ELL: variants seen among roughly 807,000 people sequenced by gnomAD.
ELL encodes the protein elongation factor for RNA polymerase II.
ELL carries 18 observed loss-of-function variants against 64.0 expected under a neutral mutation model. The observed-to-expected ratio is 0.28, with a 90% CI of 0.19 to 0.42. The LOEUF (loss-of-function observed/expected upper bound fraction) is 0.42, where lower values mean the gene tolerates loss of function less well. Among genes scored for constraint, ELL ranks in the 10% least tolerant of loss-of-function variants. The pLI, the probability that ELL is intolerant of heterozygous loss-of-function variation, is 1.00. For missense variants in ELL, 797 were observed against 870.4 expected (o/e 0.92, Z 1.06); for synonymous variants, 399 against 376.2 (o/e 1.06, Z -0.70).
At chr19:18,508,952 T>C (rs915024200) in intron 1 of ELL, among the ~76,000 whole-genome samples, 2 of 152,066 alleles carry the variant, frequency 1.3e-5, no homozygotes, top group Non-Finnish European at 2.9e-5. Context: ...GCAAGCCTTG[T>C]TGTGGGGATA....
chr19:18,482,290 T>C (rs867028779), intron 1 of ELL, among the ~76,000 whole-genome samples: 1 of 149,504 alleles, frequency 6.7e-6, no homozygotes, highest in African/African-American at 2.5e-5. Flanking sequence ...TCCTAGTCCA[T>C]GGCTTGTCTT....
intron 5 of ELL, 120 bp downstream of exon 5, chr19:18,461,458 C>A: frequency 6.8e-7 from 1 of 1,461,344 alleles, no homozygotes; most frequent in Non-Finnish European, 9.1e-7. Flanking sequence ...TGTGAGAGAC[C>A]CCAGGAAGGG....
chr19:18,466,110 A>G (rs990677864), intron 2 of ELL, among the ~76,000 whole-genome samples, 192 bp from the exon 3 acceptor site: 16 of 152,188 alleles, frequency 1.1e-4, no homozygotes, highest in African/African-American at 3.6e-4. Context: ...CACACTGCGT[A>G]GAGAGGGGAC....
chr19:18,489,144 T>C (rs1173344752), intron 1 of ELL, among the ~76,000 whole-genome samples: 7 of 152,276 alleles, frequency 4.6e-5, no homozygotes, highest in Non-Finnish European at 1.0e-4. Context: ...CAAGGTGACA[T>C]GGATTGGGTA....
At position 18,443,686 on chromosome 19, in the gene ELL, C is replaced by T. The variant is rs998070193; in HGVS notation, c.*1066G>A. Reference sequence around the variant, plus strand: ...GCAATTGGGGTGTCTGCAGAGCCTGCACCCCCAGAGCAGGCAGACCCATCC... The same window carrying T: ...GCAATTGGGGTGTCTGCAGAGCCTGTACCCCCAGAGCAGGCAGACCCATCC... On this transcript the variant is annotated 3_prime_UTR_variant, in exon 12 of 12. Transcript: ENST00000262809. 9 of 233,114 alleles carry T rather than the reference C, an allele frequency of 3.9e-5. No individual in the cohort carries two copies. Among genetic ancestry groups the T allele is most frequent in the African/African-American group, 1.5e-4 (7 of 45,330 alleles). The allele number at this position is 233,114 out of a possible 1,614,324, so 14.4% of individuals were successfully genotyped here. A position where few individuals can be genotyped will look rare whatever the true frequency, so the allele number is the denominator to read the frequency against.
In ELL at chr19:18,515,713, T is replaced by C. The variant is rs145613818; in HGVS notation, c.135+6208A>G. The stretch of plus-strand genomic sequence containing the variant: ...CTCACGTCACCAAGGTTCGGGCCTC[T>C]TGGGGACGCGGAAAGTTGCATTTAA... On this transcript the variant is annotated intron_variant, in intron 1 of 11. Coordinates refer to ENST00000262809, the MANE Select transcript of ELL (RefSeq NM_006532.4). Among the ~76,000 whole-genome samples the C allele has an allele frequency of 7.0e-3, 1,068 of 152,298 alleles. 13 individuals carry two copies. Among genetic ancestry groups the C allele is most frequent in the African/African-American group, 0.025 (1,020 of 41,570 alleles).
At chr19:18,479,055 G>T (rs1975236525) in intron 1 of ELL, among the ~76,000 whole-genome samples, 1 of 152,216 alleles carries the variant, frequency 6.6e-6, no homozygotes, top group South Asian at 2.1e-4. Context: ...GAAGCAACAG[G>T]AAGTGGCTTA....
intron 2 of ELL, among the ~76,000 whole-genome samples, chr19:18,466,925 G>GC (rs1044786707): frequency 6.6e-6 from 1 of 152,158 alleles, no homozygotes; most frequent in Admixed American, 6.5e-5. Flanking sequence ...TGAATCTCCT[G>GC]CCCCCTCGCC....
At chr19:18,493,824 A>G (rs1445961755) in intron 1 of ELL, among the ~76,000 whole-genome samples, 2 of 151,990 alleles carry the variant, frequency 1.3e-5, no homozygotes, top group Non-Finnish European at 2.9e-5. Context: ...GTCACTGACC[A>G]CTCCTCATAG....
chr19:18,475,205 A>G (rs1286698205), intron 1 of ELL, among the ~76,000 whole-genome samples: 1 of 152,214 alleles, frequency 6.6e-6, no homozygotes, highest in Non-Finnish European at 1.5e-5. Context: ...GTGAAAAGAC[A>G]CCGGATGCCA....
In ELL at chr19:18,522,023, C is replaced by T. The variant is rs1976294005; in HGVS notation, c.33G>A (p.Gly11=). The T allele has an allele frequency of 1.2e-6, 2 of 1,610,434 alleles. No homozygotes were observed. The highest frequency in any genetic ancestry group is 1.3e-5 in the African/African-American group (1 of 74,302). ...CGTCGCTAACCCGCCCGCACGACAG[C>T]CCGTAGCTCCTATCCTCCTTCAGCG... MAALKEDRSY[G]LSCGRVSDGS... is the part of the protein sequence containing the mutation. The change falls in exon 1 of 12, where the codon GGG becomes GGA. Residue 11 remains glycine, a synonymous_variant. Transcript: ENST00000262809.
At chr19:18,471,351 G>A (rs1242073089) in intron 2 of ELL, 4 of 447,498 alleles carry the variant, frequency 8.9e-6, no homozygotes, top group South Asian at 4.8e-5. Flanking sequence ...CTCCAGCCTC[G>A]GCAACAGAGA....
At chr19:18,463,785 T>C (rs1974881402) in intron 4 of ELL, among the ~76,000 whole-genome samples, 1 of 151,616 alleles carries the variant, frequency 6.6e-6, no homozygotes, top group African/African-American at 2.4e-5. Flanking sequence ...GAGACCGTCC[T>C]GGCTAACACG....
At chr19:18,445,112 C>A in intron 11 of ELL, 112 bp downstream of exon 11, 1 of 1,465,888 alleles carries the variant, frequency 6.8e-7, no homozygotes, top group Non-Finnish European at 9.5e-7. Flanking sequence ...GACTCAAAGG[C>A]TCTTCCCCCA....
intron 4 of ELL, among the ~76,000 whole-genome samples, chr19:18,464,905 G>C (rs1974902901): frequency 6.6e-6 from 1 of 152,234 alleles, no homozygotes; most frequent in South Asian, 2.1e-4. Flanking sequence ...CTGCAGTGCT[G>C]GGTCGCTGGC....
chr19:18,475,643 G>A (rs1975159689), intron 1 of ELL, among the ~76,000 whole-genome samples: 2 of 152,180 alleles, frequency 1.3e-5, no homozygotes, highest in South Asian at 4.1e-4. Flanking sequence ...AGAGGACCAT[G>A]CCAAGTGAAA....
rs1030573897 is a variant in ELL at position 18,486,688 on chromosome 19, C to T, written c.136-13806G>A. Among the ~76,000 whole-genome samples the T allele has an allele frequency of 4.6e-5, 7 of 152,306 alleles. No homozygotes were observed. The East Asian group carries it at 1.2e-3, about 25-fold the overall frequency. On this transcript the variant is annotated intron_variant, in intron 1 of 11. Transcript: ENST00000262809. ...TCTTACCGCCTCATCTCATTGTCTG[C>T]TCACTGCAACCTCTGCAAAGCACCC... is the stretch of plus-strand genomic sequence containing the variant.
At chr19:18,454,227 C>T (rs1974603268) in intron 6 of ELL, among the ~76,000 whole-genome samples, 2 of 152,206 alleles carry the variant, frequency 1.3e-5, no homozygotes, top group Non-Finnish European at 2.9e-5. Context: ...AGGCCGGGCC[C>T]GATGGCTCAC....
chr19:18,500,123 A>T (rs1975750298), intron 1 of ELL, among the ~76,000 whole-genome samples: 1 of 152,146 alleles, frequency 6.6e-6, no homozygotes, highest in Non-Finnish European at 1.5e-5. Context: ...TTATCTGGGC[A>T]TGGTGGCGGG....
Sources: gnomAD v4.1 joint callset for allele counts (sites outside exome capture counted in the v4.1 genomes callset) on GRCh38, gnomAD v4.1.1 for gene constraint, MANE v1.5 for transcripts, NCBI Gene and HGNC (gene_info 2026-07-23, HGNC 2026-07-21) for gene names.